ENOX2: variants seen among roughly 807,000 people sequenced by gnomAD.
ENOX2 encodes APK1 antigen.
In ENOX2, 36 loss-of-function variants were observed where a neutral mutation model predicts 45.0. That is an observed-to-expected ratio of 0.80 (90% CI 0.61 to 1.06). The LOEUF (loss-of-function observed/expected upper bound fraction) is 1.06. Ranked by LOEUF, ENOX2 falls within the 50% of genes least tolerant of loss-of-function variation. The probability of loss-of-function intolerance (pLI) is 0.00; values close to 1 mark genes in which losing one functional copy is unlikely to be tolerated. For missense variants in ENOX2, 423 were observed against 462.5 expected, an observed-to-expected ratio of 0.91 and a Z score of 0.78; for synonymous variants, 174 against 152.3, an observed-to-expected ratio of 1.14 and a Z score of -1.05.
chrX:130,770,774 A>G (rs776462276), intron 3 of ENOX2, among the ~76,000 whole-genome samples: 1 of 112,263 alleles, frequency 8.9e-6, no homozygotes, highest in South Asian at 3.7e-4. Flanking sequence ...AAGACAGGAA[A>G]TGACTCAAAT....
intron 3 of ENOX2, among the ~76,000 whole-genome samples, chrX:130,704,677 CTGAT>C (rs1291047176): frequency 8.9e-6 from 1 of 112,219 alleles, no homozygotes; most frequent in East Asian, 2.8e-4. Context: ...ATTTTGGTCA[CTGAT>C]TGGTCAGAAC....
intron 10 of ENOX2, among the ~76,000 whole-genome samples, chrX:130,655,729 G>T (rs760975868): frequency 6.3e-5 from 7 of 111,891 alleles, no homozygotes; most frequent in Non-Finnish European, 1.9e-5. Flanking sequence ...CTGCCTCCCA[G>T]GTTCAAGGGA....
In ENOX2 at chrX:130,873,410, A is replaced by T. The variant is rs7051139; in HGVS notation, c.-183+28274T>A. Reference sequence around the variant, plus strand: ...CAGGAAACAACAAACGCTGGAGAGGATGTGGAGAAATAGGAACACTTTTAC... The same window carrying T: ...CAGGAAACAACAAACGCTGGAGAGGTTGTGGAGAAATAGGAACACTTTTAC... On this transcript the variant is annotated intron_variant, in intron 2 of 14. Transcript: ENST00000394363. Among the ~76,000 whole-genome samples, 568 of 112,014 alleles carry T rather than the reference A, an allele frequency of 5.1e-3. 2 individuals are homozygous for T. Among genetic ancestry groups the T allele is most frequent in the African/African-American group, 0.018 (543 of 30,827 alleles).
chrX:130,634,906 T>A, intron 12 of ENOX2, 78 bp downstream of exon 12: 1 of 541,212 alleles, frequency 1.8e-6, no homozygotes, highest in Non-Finnish European at 3.0e-6. Context: ...TTCTAGGGCA[T>A]AACTTCCAGG....
intron 2 of ENOX2, among the ~76,000 whole-genome samples, chrX:130,859,688 T>C (rs781754703): frequency 8.9e-6 from 1 of 111,839 alleles, no homozygotes; most frequent in Non-Finnish European, 1.9e-5. Context: ...CCAACTTGTG[T>C]TTGAAACATA....
intron 2 of ENOX2, among the ~76,000 whole-genome samples, chrX:130,809,744 C>CGTGT (rs764867428): frequency 9.3e-6 from 1 of 108,074 alleles, no homozygotes; most frequent in Non-Finnish European, 1.9e-5. Context: ...AAATGTGTGT[C>CGTGT]GTGTGTGTGT....
intron 3 of ENOX2, among the ~76,000 whole-genome samples, chrX:130,710,007 C>T (rs2038149199): frequency 9.0e-6 from 1 of 110,704 alleles, no homozygotes; most frequent in Non-Finnish European, 1.9e-5. Context: ...TGAGTGAGAA[C>T]ATATGGTATT....
In ENOX2 at chrX:130,679,542, C is replaced by T. The variant is rs1468732742; in HGVS notation, c.460G>A (p.Gly154Ser). The part of the protein sequence containing the change: ...YMVDKALYLS[G>S]YRIRLGSSTD... ...ACAATCCTCACATCTAAACACCTACCAGACAGATACAGGGCTTTGTCCACC... is the reference window on the plus strand; with the variant it reads ...ACAATCCTCACATCTAAACACCTACTAGACAGATACAGGGCTTTGTCCACC... The change falls in exon 6 of 15, where the codon GGT becomes AGT. Residue 154 changes from glycine to serine, a missense_variant and splice_region_variant. Coordinates refer to ENST00000394363, the MANE Select transcript of ENOX2 (RefSeq NM_006375.4). The T allele has an allele frequency of 8.3e-7, 1 of 1,198,939 alleles. No individual in the cohort carries two copies. The highest frequency in any genetic ancestry group is 1.1e-6 in the Non-Finnish European group (1 of 885,222).
At chrX:130,722,518 C>T (rs980565953) in intron 3 of ENOX2, among the ~76,000 whole-genome samples, 8 of 111,850 alleles carry the variant, frequency 7.2e-5, no homozygotes, top group Non-Finnish European at 1.5e-4. Flanking sequence ...CTCTAAATAT[C>T]TGGTTTTCAA....
At chrX:130,743,297 T>C (rs2039026635) in intron 3 of ENOX2, among the ~76,000 whole-genome samples, 2 of 111,565 alleles carry the variant, frequency 1.8e-5, no homozygotes, top group Non-Finnish European at 1.9e-5. Context: ...AAAGTAGATA[T>C]ACCTCAGGCT....
chrX:130,883,037 C>T (rs1259454163), intron 2 of ENOX2, among the ~76,000 whole-genome samples: 1 of 112,400 alleles, frequency 8.9e-6, no homozygotes, highest in Non-Finnish European at 1.9e-5. Flanking sequence ...TGAGTTCATA[C>T]ATATAAGGTA....
intron 3 of ENOX2, among the ~76,000 whole-genome samples, chrX:130,747,818 G>A (rs2039130401): frequency 8.9e-6 from 1 of 112,392 alleles, no homozygotes; most frequent in Non-Finnish European, 1.9e-5. Context: ...CCCCAGTTTG[G>A]GGAAGTGGCT....
intron 4 of ENOX2, among the ~76,000 whole-genome samples, chrX:130,694,493 C>T (rs1481899978): frequency 9.0e-6 from 1 of 111,242 alleles, no homozygotes; most frequent in Non-Finnish European, 1.9e-5. Context: ...CCGTAGAAAC[C>T]TCAGAGGTGT....
chrX:130,784,803 G>T (rs2076944856), intron 2 of ENOX2, among the ~76,000 whole-genome samples: 1 of 107,891 alleles, frequency 9.3e-6, no homozygotes, highest in African/African-American at 3.4e-5. Flanking sequence ...GGCCAGGCTG[G>T]TCTCAAACTC....
chrX:130,881,667 C>G (rs2078812888), intron 2 of ENOX2, among the ~76,000 whole-genome samples: 1 of 111,634 alleles, frequency 9.0e-6, no homozygotes, highest in Admixed American at 9.5e-5. Flanking sequence ...TAGGCAAGCC[C>G]TTATCGCTAT....
intron 2 of ENOX2, among the ~76,000 whole-genome samples, chrX:130,798,960 T>C (rs2077175798): frequency 8.9e-6 from 1 of 112,450 alleles, no homozygotes. Context: ...TGGTAAAATA[T>C]AAAAAATGCA....
At chrX:130,797,496 C>T (rs1231945964) in intron 2 of ENOX2, among the ~76,000 whole-genome samples, 1 of 110,668 alleles carries the variant, frequency 9.0e-6, no homozygotes, top group Non-Finnish European at 1.9e-5. Flanking sequence ...CCTCCCGCCC[C>T]GCCCTGACAT....
At chrX:130,633,096 C>T (rs1365279607) in intron 12 of ENOX2, among the ~76,000 whole-genome samples, 1 of 111,791 alleles carries the variant, frequency 8.9e-6, no homozygotes, top group East Asian at 2.8e-4. Flanking sequence ...TTAGAAGGTA[C>T]ATTGAAAGGA....
At chrX:130,868,120 A>ACTC (rs1368900082) in intron 2 of ENOX2, among the ~76,000 whole-genome samples, 1 of 111,612 alleles carries the variant, frequency 9.0e-6, no homozygotes, top group African/African-American at 3.2e-5. Context: ...TACTTGGAAG[A>ACTC]GTCTGGCAAT....
Sources: gnomAD v4.1 joint callset for allele counts (sites outside exome capture counted in the v4.1 genomes callset) on GRCh38, gnomAD v4.1.1 for gene constraint, MANE v1.5 for transcripts, NCBI Gene and HGNC (gene_info 2026-07-23, HGNC 2026-07-21) for gene names.